ZNF407: variants seen among roughly 807,000 people sequenced by gnomAD.
ZNF407 encodes the protein zinc finger protein 407.
In ZNF407, 17 loss-of-function variants were observed where a neutral mutation model predicts 131.2. The observed-to-expected ratio is 0.13, with a 90% confidence interval of 0.09 to 0.19. ZNF407 has a LOEUF of 0.19. Among genes scored for constraint, ZNF407 ranks in the 10% least tolerant of loss-of-function variants. ZNF407 has a pLI of 1.00. For missense variants in ZNF407, 2,681 were observed against 2,830.6 expected (o/e 0.95, Z 1.20); for synonymous variants, 1,156 against 1,062.0 (o/e 1.09, Z -1.72).
intron 1 of ZNF407, among the ~76,000 whole-genome samples, chr18:74,629,655 A>C (rs1327521971): frequency 2.0e-5 from 3 of 152,204 alleles, no homozygotes; most frequent in Non-Finnish European, 4.4e-5. Flanking sequence ...GAGTCAAAGC[A>C]ATAGGCTCCA....
Position 74,635,051 on chromosome 18 carries a change from T to G in ZNF407, c.4032T>G (p.Asp1344Glu). The G allele has an allele frequency of 6.2e-7, 1 of 1,613,938 alleles. No homozygotes were observed. Among genetic ancestry groups the G allele is most frequent in the Non-Finnish European group, 8.5e-7 (1 of 1,179,894 alleles). Residue 1344 changes from aspartate (D) to glutamate (E), a missense_variant, in exon 2 of 9, where the codon GAT becomes GAG. Physicochemically the swap from Asp to Glu is conservative, Grantham distance 45 (BLOSUM62 2). Coordinates refer to ENST00000299687, the MANE Select transcript of ZNF407 (RefSeq NM_017757.3). This position sits in a 1 kb window ranked among gnomAD's most constrained non-coding sequence, Gnocchi z 4.7. ...SDVYETIISI[D>E]DKGQAMYSFG... ...TCTATGAAACTATAATTAGTATTGA[T>G]GATAAAGGGCAGGCCATGTACAGTT...
intron 8 of ZNF407, among the ~76,000 whole-genome samples, chr18:74,953,108 A>G (rs1326654500): frequency 6.6e-6 from 1 of 152,068 alleles, no homozygotes; most frequent in Non-Finnish European, 1.5e-5. Flanking sequence ...GCAAAAAGTC[A>G]CTCTGGCTTC....
rs770116884 is a variant in ZNF407 at position 74,889,967 on chromosome 18, G to C, written c.5178G>C (p.Gln1726His). 1.9e-6 allele frequency: 3 copies of C among 1,609,738 alleles called. No individual in the cohort carries two copies. The highest frequency in any genetic ancestry group is 2.7e-5 in the African/African-American group (2 of 74,932). Residue 1726 changes from glutamine (Q) to histidine (H), a missense_variant, in exon 7 of 9, where the codon CAG becomes CAC. Gln to His is a conservative substitution (Grantham distance 24). Coordinates refer to ENST00000299687, the MANE Select transcript of ZNF407 (RefSeq NM_017757.3). Reference sequence around the variant, plus strand: ...AGTGTAACTTTGCCTCCACAACTCAGTCCCATTTGACTCGGCATAAACGTG... The same window carrying C: ...AGTGTAACTTTGCCTCCACAACTCACTCCCATTTGACTCGGCATAAACGTG... ...CDECNFASTT[Q>H]SHLTRHKRVH...
Position 74,600,068 on chromosome 18 carries a change from T to C in ZNF407, c.-54+2131T>C, listed in dbSNP as rs184832111. ...TAGAGTAAAATGATGAACAAGATAG[T>C]GGGGAATATAGACAAGCAAATGCGC... On this transcript the variant is annotated intron_variant, in intron 1 of 8. Coordinates refer to ENST00000299687, the MANE Select transcript of ZNF407 (RefSeq NM_017757.3). Among the ~76,000 whole-genome samples, 7 of 152,254 alleles carry C rather than the reference T, an allele frequency of 4.6e-5. No individual in the cohort carries two copies. In the East Asian group the frequency reaches 1.4e-3, roughly 29 times the overall value.
chr18:74,992,444 C>T (rs192143402), intron 8 of ZNF407, among the ~76,000 whole-genome samples: 2 of 152,204 alleles, frequency 1.3e-5, no homozygotes, highest in African/African-American at 4.8e-5. Context: ...GTGGGTCCGC[C>T]TGGCACAAGA....
intron 4 of ZNF407, among the ~76,000 whole-genome samples, chr18:74,849,058 T>C (rs1441393427): frequency 6.9e-6 from 1 of 144,846 alleles, no homozygotes; most frequent in Admixed American, 7.0e-5. Flanking sequence ...GTTTCTTTTT[T>C]TTTTTTTTAT....
chr18:74,856,115 C>G (rs984876496), intron 4 of ZNF407, among the ~76,000 whole-genome samples: 1 of 152,156 alleles, frequency 6.6e-6, no homozygotes, highest in Non-Finnish European at 1.5e-5. Flanking sequence ...AAAAGCAACC[C>G]TATTTTCTAT....
intron 3 of ZNF407, among the ~76,000 whole-genome samples, chr18:74,770,858 A>G (rs1969346529): frequency 1.3e-5 from 2 of 152,208 alleles, no homozygotes; most frequent in African/African-American, 4.8e-5. Context: ...TGTATGCAGA[A>G]TGCCTATTCT....
chr18:74,967,348 A>C (rs1286078401), intron 8 of ZNF407, among the ~76,000 whole-genome samples: 1 of 152,250 alleles, frequency 6.6e-6, no homozygotes, highest in Non-Finnish European at 1.5e-5. Context: ...GACATTAAAA[A>C]TTCTAAATAC....
chr18:74,835,044 C>T (rs1352517114), intron 4 of ZNF407, among the ~76,000 whole-genome samples: 2 of 152,188 alleles, frequency 1.3e-5, no homozygotes, highest in Non-Finnish European at 2.9e-5. Context: ...CTTCTGTTGA[C>T]CACATCAGCC....
chr18:74,745,356 T>C (rs576421125), intron 3 of ZNF407, among the ~76,000 whole-genome samples: 3 of 104,036 alleles, frequency 2.9e-5, no homozygotes, highest in African/African-American at 9.7e-5. Context: ...GGGCTAAATA[T>C]TGCTAATTTC....
At chr18:74,922,170 A>G (rs1272477541) in intron 8 of ZNF407, among the ~76,000 whole-genome samples, 4 of 152,246 alleles carry the variant, frequency 2.6e-5, no homozygotes, top group African/African-American at 9.6e-5. Context: ...ATAAAAACAG[A>G]TAAAGTCGAG....
intron 8 of ZNF407, among the ~76,000 whole-genome samples, chr18:75,034,723 G>T (rs1050492098): frequency 3.3e-5 from 5 of 151,976 alleles, no homozygotes; most frequent in Non-Finnish European, 7.4e-5. Context: ...TTATTAATTA[G>T]GTACATTTTG....
chr18:74,623,852 GAAC>G (rs776151504), intron 1 of ZNF407, among the ~76,000 whole-genome samples: 3 of 152,098 alleles, frequency 2.0e-5, no homozygotes, highest in Non-Finnish European at 4.4e-5. Context: ...GACAGTCAAG[GAAC>G]AACTGCTTGA....
chr18:74,913,483 C>T (rs1440992828), intron 7 of ZNF407, among the ~76,000 whole-genome samples: 13 of 152,152 alleles, frequency 8.5e-5, no homozygotes, highest in Admixed American at 7.2e-4. Flanking sequence ...CATGGAAAAG[C>T]GAGATGCCAG....
intron 4 of ZNF407, among the ~76,000 whole-genome samples, chr18:74,869,492 C>T (rs942504362): frequency 3.3e-5 from 5 of 152,180 alleles, no homozygotes; most frequent in Non-Finnish European, 7.3e-5. Context: ...CTGTTCTTCT[C>T]ATGTTGAAGT....
chr18:74,712,815 T>C (rs1967798273), intron 3 of ZNF407, among the ~76,000 whole-genome samples: 1 of 152,056 alleles, frequency 6.6e-6, no homozygotes, highest in African/African-American at 2.4e-5. Flanking sequence ...GCTGGTGAGA[T>C]CAGAAGTGGT....
chr18:74,783,653 AG>A (rs1227782438), intron 4 of ZNF407, among the ~76,000 whole-genome samples: 1 of 152,024 alleles, frequency 6.6e-6, no homozygotes, highest in Non-Finnish European at 1.5e-5. Context: ...ATTAAAACTG[AG>A]GCAGGAGAAA....
chr18:74,979,364 T>C (rs1190657480), intron 8 of ZNF407, among the ~76,000 whole-genome samples: 1 of 152,194 alleles, frequency 6.6e-6, no homozygotes, highest in Admixed American at 6.5e-5. Context: ...CAATCTCAGC[T>C]CACTGCAACC....
Sources: allele counts gnomAD v4.1 joint callset (sites outside exome capture counted in the v4.1 genomes callset), GRCh38; gene constraint gnomAD v4.1.1; non-coding constraint Gnocchi (gnomAD v3.1); transcripts MANE v1.5; gene names NCBI Gene and HGNC (gene_info 2026-07-23, HGNC 2026-07-21).